The following KIRREL1 variants were observed in gnomAD, a reference collection of about 807,000 sequenced individuals.
KIRREL1 encodes the protein kirre like nephrin family adhesion molecule 1.
KIRREL1 carries 25 observed loss-of-function variants against 83.3 expected under a neutral mutation model. The ratio of observed to expected loss-of-function variants is 0.30; its 90% CI spans 0.22 to 0.42. The LOEUF (loss-of-function observed/expected upper bound fraction) is 0.42, where lower values mean the gene tolerates loss of function less well. Ranked by LOEUF, KIRREL1 falls within the 10% of genes least tolerant of loss-of-function variation. KIRREL1 has a pLI of 1.00. For synonymous variants in KIRREL1, 388 were observed against 410.4 expected, an observed-to-expected ratio of 0.95 and a Z score of 0.66; for missense variants, 812 against 1,032.3, an observed-to-expected ratio of 0.79 and a Z score of 2.92.
chr1:158,063,813 G>A (rs188225090), intron 1 of KIRREL1, among the ~76,000 whole-genome samples: 42 of 152,224 alleles, frequency 2.8e-4, no homozygotes, highest in Admixed American at 2.3e-3. Context: ...TACAGGATTC[G>A]TTCCTGCACC....
chr1:158,094,922 C>G lies in KIRREL1; in HGVS notation c.2076C>G (p.Ser692=). 1 of 1,614,076 alleles carries G rather than the reference C, an allele frequency of 6.2e-7. No homozygotes were observed. ...LSYENYEKFN[S]HPFPGAAGYP... ...ACGAGAACTATGAGAAGTTCAACTC[C>G]CATCCCTTCCCTGGGGCAGCTGGGT... The change falls in exon 15 of 15, where the codon TCC becomes TCG. Residue 692 remains serine (S), a synonymous_variant. Coordinates refer to ENST00000359209, the MANE Select transcript of KIRREL1 (RefSeq NM_018240.7). The surrounding 1 kb of genome is among the most constrained non-coding windows in gnomAD (Gnocchi z 4.6).
intron 2 of KIRREL1, 31 bp downstream of exon 2, chr1:158,076,293 G>C (rs1407211938): frequency 3.7e-6 from 6 of 1,606,808 alleles, no homozygotes; most frequent in South Asian, 3.3e-5. Context: ...CGTCCAAACT[G>C]TCCCATCTTC....
intron 1 of KIRREL1, among the ~76,000 whole-genome samples, chr1:158,030,054 C>G (rs910672500): frequency 3.3e-5 from 5 of 152,184 alleles, no homozygotes; most frequent in African/African-American, 1.2e-4. Flanking sequence ...TAAGGCAGGT[C>G]AGGGTTTTTG....
chr1:158,044,193 G>A (rs778909326), intron 1 of KIRREL1, among the ~76,000 whole-genome samples: 3 of 152,208 alleles, frequency 2.0e-5, no homozygotes, highest in Non-Finnish European at 2.9e-5. Flanking sequence ...GGTGCCAGAT[G>A]TAAGAAGCAT....
At chr1:158,062,805 A>G (rs1390942473) in intron 1 of KIRREL1, among the ~76,000 whole-genome samples, 1 of 152,182 alleles carries the variant, frequency 6.6e-6, no homozygotes, top group East Asian at 1.9e-4. Flanking sequence ...GCTGACACAC[A>G]TGGCCCTGTG....
chr1:158,052,505 C>T (rs569496855), intron 1 of KIRREL1, among the ~76,000 whole-genome samples: 73 of 152,078 alleles, frequency 4.8e-4, no homozygotes, highest in Non-Finnish European at 7.9e-4. Context: ...TTATACAGGG[C>T]GCGGTGGCTC....
At chr1:158,007,038 A>AG (rs1394001791) in intron 1 of KIRREL1, among the ~76,000 whole-genome samples, 2 of 152,114 alleles carry the variant, frequency 1.3e-5, no homozygotes, top group African/African-American at 4.8e-5. Context: ...GGGATCTCCT[A>AG]GTCTGATGAA....
At chr1:158,030,191 A>G (rs529408197) in intron 1 of KIRREL1, among the ~76,000 whole-genome samples, 1 of 152,310 alleles carries the variant, frequency 6.6e-6, no homozygotes, top group Non-Finnish European at 1.5e-5. Flanking sequence ...GTTGTATTTC[A>G]TGTTTCACAC....
chr1:158,066,677 TC>T (rs1216746900), intron 1 of KIRREL1, among the ~76,000 whole-genome samples: 1 of 152,114 alleles, frequency 6.6e-6, no homozygotes, highest in African/African-American at 2.4e-5. Context: ...GGACAGAGGC[TC>T]CCCGTCCCTT....
intron 1 of KIRREL1, among the ~76,000 whole-genome samples, chr1:158,012,559 A>G: frequency 6.6e-6 from 1 of 152,176 alleles, no homozygotes; most frequent in Non-Finnish European, 1.5e-5. Context: ...GGTGTAATAA[A>G]AAGAGTCCTG....
chr1:158,095,050 G>A lies in KIRREL1; in HGVS notation c.2204G>A (p.Arg735Gln), dbSNP rs142807090. Residue 735 changes from arginine (R) to glutamine (Q), a missense_variant, in exon 15 of 15, where the codon CGA becomes CAA. Arg to Gln is a conservative substitution (Grantham distance 43). Around this residue, in one of 3 missense-constraint regions of KIRREL1, gnomAD observed 334 missense variants for 383.7 expected, o/e 0.87. Transcript: ENST00000359209. ...DPIGKYATAT[R>Q]FSYTSQHSDY... Reference sequence around the variant, plus strand: ...ATTGGCAAGTACGCCACAGCCACTCGATTCTCCTACACCTCCCAGCACTCG... The same window carrying A: ...ATTGGCAAGTACGCCACAGCCACTCAATTCTCCTACACCTCCCAGCACTCG... 8.1e-6 allele frequency: 13 copies of A among 1,613,498 alleles called. No homozygotes were observed. Among genetic ancestry groups the A allele is most frequent in the African/African-American group, 2.7e-5 (2 of 74,912 alleles).
intron 1 of KIRREL1, among the ~76,000 whole-genome samples, chr1:158,072,048 C>T (rs1459770910): frequency 6.6e-6 from 1 of 152,260 alleles, no homozygotes; most frequent in East Asian, 1.9e-4. Flanking sequence ...ACATCCCCCT[C>T]GCCACCACCA....
At chr1:158,058,244 A>ACTT in intron 1 of KIRREL1, among the ~76,000 whole-genome samples, 1 of 152,280 alleles carries the variant, frequency 6.6e-6, no homozygotes, top group East Asian at 1.9e-4. Flanking sequence ...TGAGGAAGAC[A>ACTT]CTTCCTTCCT....
At chr1:158,060,779 G>A (rs1042329904) in intron 1 of KIRREL1, among the ~76,000 whole-genome samples, 3 of 152,110 alleles carry the variant, frequency 2.0e-5, no homozygotes, top group African/African-American at 7.2e-5. Context: ...TGCTGGAGTC[G>A]GGGCTTGAAG....
At position 158,086,631 on chromosome 1, in the gene KIRREL1, G is replaced by T. The variant is rs1318557975; in HGVS notation, c.546G>T (p.Val182=). 1.3e-6 allele frequency: 2 copies of T among 1,552,096 alleles called. No individual in the cohort carries two copies. The highest frequency in any genetic ancestry group is 2.4e-5 in the East Asian group (1 of 40,900). ...LLKDGKRETT[V]SQLLINPTDL... ...AGGATGGGAAGAGGGAGACCACCGTGAGCCAACTGCTTATTAACCCCACGG... is the reference window on the plus strand; with the variant it reads ...AGGATGGGAAGAGGGAGACCACCGTTAGCCAACTGCTTATTAACCCCACGG... The change falls in exon 5 of 15, where the codon GTG becomes GTT. Residue 182 remains valine, a synonymous_variant. Coordinates refer to ENST00000359209, the MANE Select transcript of KIRREL1 (RefSeq NM_018240.7).
Position 158,076,251 on chromosome 1 carries a change from A to G in KIRREL1, c.191A>G (p.Gln64Arg). The G allele has an allele frequency of 6.2e-7, 1 of 1,613,946 alleles. No individual in the cohort carries two copies. The highest frequency in any genetic ancestry group is 8.5e-7 in the Non-Finnish European group (1 of 1,179,928). The change falls in exon 2 of 15, where the codon CAG (glutamine) becomes CGG (arginine). Residue 64 changes from glutamine (Q) to arginine (R), a missense_variant. This residue lies in a region of KIRREL1 where 472 missense variants were observed against 626.8 expected (regional missense o/e 0.75). Transcript: ENST00000359209. ...TKDGLALGMGQGLKAWPRYRV... is the reference protein window; with the variant it reads ...TKDGLALGMGRGLKAWPRYRV... ...GACGGGCTGGCCCTGGGCATGGGCC[A>G]GGGCCTCAAAGGTGAGTGCCTGGCT...
intron 4 of KIRREL1, among the ~76,000 whole-genome samples, chr1:158,085,690 G>A (rs1661992416): frequency 6.6e-6 from 1 of 152,184 alleles, no homozygotes. Context: ...CTGCATGCAT[G>A]GTGGTCAAAC....
Position 158,095,172 on chromosome 1 carries a change from C to T in KIRREL1, c.*52C>T, listed in dbSNP as rs1259648024. On this transcript the variant is annotated 3_prime_UTR_variant, in exon 15 of 15. Transcript: ENST00000359209. The stretch of plus-strand genomic sequence containing the variant: ...TGCGGGGCAGAGGAGAAGGCTTTCA[C>T]AGCTGTTCCCTGATATTCAGGGGCA... 1 of 1,279,792 alleles carries T rather than the reference C, an allele frequency of 7.8e-7. No individual in the cohort carries two copies. The highest frequency in any genetic ancestry group is 2.4e-5 in the East Asian group (1 of 42,460). 79.3% of individuals were successfully genotyped at this position (1,279,792 alleles called of 1,614,324 possible). A position where few individuals can be genotyped will look rare whatever the true frequency, so the allele number is the denominator to read the frequency against.
At chr1:158,024,222 T>G (rs1660092257) in intron 1 of KIRREL1, among the ~76,000 whole-genome samples, 1 of 151,954 alleles carries the variant, frequency 6.6e-6, no homozygotes, top group Admixed American at 6.6e-5. Context: ...GTGCTAGGAT[T>G]ACAGGCGTGA....
Sources: allele counts gnomAD v4.1 joint callset (sites outside exome capture counted in the v4.1 genomes callset), GRCh38; gene constraint gnomAD v4.1.1; regional missense constraint gnomAD v4.1.1; non-coding constraint Gnocchi (gnomAD v3.1); transcripts MANE v1.5; gene names NCBI Gene and HGNC (gene_info 2026-07-23, HGNC 2026-07-21).